Variants in CRISPLD1 observed in about 807,000 individuals in gnomAD.
The protein encoded by CRISPLD1 is cysteine rich secretory protein LCCL domain containing 1.
A neutral mutation model predicts 77.5 loss-of-function variants in CRISPLD1; 60 were observed. The ratio of observed to expected loss-of-function variants is 0.77; its 90% confidence interval spans 0.63 to 0.96. CRISPLD1 has a LOEUF of 0.96. Among genes scored for constraint, CRISPLD1 ranks in the 40% least tolerant of loss-of-function variants. The pLI is 0.00. For synonymous variants in CRISPLD1, 195 were observed against 200.1 expected, an observed-to-expected ratio of 0.97 and a Z score of 0.22; for missense variants, 623 against 615.8, an observed-to-expected ratio of 1.01 and a Z score of -0.12.
At chr8:75,020,505 T>G (rs2128787146) in intron 12 of CRISPLD1, among the ~76,000 whole-genome samples, 1 of 152,332 alleles carries the variant, frequency 6.6e-6, no homozygotes, top group South Asian at 2.1e-4. Flanking sequence ...CTTCTCTGTG[T>G]CCTCACATGG....
intron 2 of CRISPLD1, among the ~76,000 whole-genome samples, chr8:74,990,863 A>G (rs1188905063): frequency 1.3e-5 from 2 of 151,768 alleles, no homozygotes; most frequent in Non-Finnish European, 2.9e-5. Flanking sequence ...TCAATACACC[A>G]TTACTTGCCA....
intron 2 of CRISPLD1, among the ~76,000 whole-genome samples, chr8:74,990,770 T>C (rs1289781650): frequency 8.5e-6 from 1 of 116,974 alleles, no homozygotes. Context: ...CTAAGAAACA[T>C]ACAAAAAAAA....
chr8:75,011,893 T>C (rs531641792), intron 2 of CRISPLD1, among the ~76,000 whole-genome samples: 1 of 152,254 alleles, frequency 6.6e-6, no homozygotes, highest in African/African-American at 2.4e-5. Flanking sequence ...TAATAAGTGC[T>C]AAACAAAGGA....
intron 2 of CRISPLD1, among the ~76,000 whole-genome samples, chr8:75,009,019 C>T (rs60626371): frequency 0.12 from 18,795 of 152,094 alleles, 1,708 homozygotes; most frequent in African/African-American, 0.25. Context: ...GATCCATTTT[C>T]AATTTCATAG....
chr8:75,016,779 G>T, intron 7 of CRISPLD1, 74 bp downstream of exon 7: 1 of 1,558,606 alleles, frequency 6.4e-7, no homozygotes, highest in South Asian at 1.2e-5. Context: ...TTATTAATTT[G>T]AACATTTTTA....
At chr8:74,996,617 A>G (rs960537272) in intron 2 of CRISPLD1, among the ~76,000 whole-genome samples, 10 of 151,788 alleles carry the variant, frequency 6.6e-5, no homozygotes, top group African/African-American at 2.4e-4. Context: ...ATAAGGTTGG[A>G]ATTTAACAAA....
intron 4 of CRISPLD1, among the ~76,000 whole-genome samples, 174 bp downstream of exon 4, chr8:75,013,196 T>A (rs1055963692): frequency 2.0e-5 from 3 of 152,098 alleles, no homozygotes; most frequent in African/African-American, 7.2e-5. Flanking sequence ...AAAATAATTA[T>A]CACACAAAAA....
At chr8:75,019,060 T>C (rs933775319) in intron 10 of CRISPLD1, among the ~76,000 whole-genome samples, 7 of 152,224 alleles carry the variant, frequency 4.6e-5, no homozygotes, top group African/African-American at 1.7e-4. Context: ...TTTTTAGTTA[T>C]CTCTATTATA....
rs530928741 is a variant in CRISPLD1 at position 75,007,047 on chromosome 8, T to C, written c.259-5386T>C. 2.0e-5 allele frequency among the ~76,000 whole-genome samples: 3 copies of C among 152,296 alleles called. No homozygotes were observed. In the South Asian group the frequency reaches 6.2e-4, roughly 32 times the overall value. Reference sequence around the variant, plus strand: ...CATTTTAGTTTTTCATTAACATTCTTGAAACCTCAATTATCAGAAAATACT... The same window carrying C: ...CATTTTAGTTTTTCATTAACATTCTCGAAACCTCAATTATCAGAAAATACT... On this transcript the variant is annotated intron_variant, in intron 2 of 14. Transcript: ENST00000262207.
In CRISPLD1 at chr8:75,033,619, A is replaced by G. The variant is rs1016251359; in HGVS notation, c.*1377A>G. On this transcript the variant is annotated 3_prime_UTR_variant, in exon 15 of 15. Coordinates refer to ENST00000262207, the MANE Select transcript of CRISPLD1 (RefSeq NM_031461.6). ...AATAAATACTTCAAATACTTTTAGG[A>G]AGTAAATGAGTAGGAGTTTAGGAGG... 2 of 152,010 alleles carry G rather than the reference A, an allele frequency of 1.3e-5. No homozygotes were observed. Among genetic ancestry groups the G allele is most frequent in the Non-Finnish European group, 2.9e-5 (2 of 67,880 alleles). 9.4% of individuals were successfully genotyped at this position (152,010 alleles called of 1,614,324 possible).
At chr8:74,992,904 G>A (rs958890348) in intron 2 of CRISPLD1, among the ~76,000 whole-genome samples, 35 of 135,328 alleles carry the variant, frequency 2.6e-4, no homozygotes, top group Non-Finnish European at 4.9e-4. Context: ...TAGAAATTAT[G>A]GTTTTTTTTT....
chr8:75,012,864 C>G (rs761555951), intron 3 of CRISPLD1, 26 bp from the exon 4 acceptor site: 5 of 1,591,824 alleles, frequency 3.1e-6, no homozygotes, highest in Admixed American at 1.7e-5. Context: ...TTTGCTTGCC[C>G]TCTGTGACTA....
rs201420701 is a variant in CRISPLD1 at position 75,032,287 on chromosome 8, A to G, written c.*45A>G. ...GACCATAAAGACTATTCCAAATGCA[A>G]TATTTCTGAATTTTGTATAAAACTG... On this transcript the variant is annotated 3_prime_UTR_variant, in exon 15 of 15. Coordinates refer to ENST00000262207, the MANE Select transcript of CRISPLD1 (RefSeq NM_031461.6). 4.6e-5 allele frequency: 67 copies of G among 1,452,746 alleles called. No homozygotes were observed. In the African/African-American group the frequency reaches 5.5e-4, roughly 12 times the overall value. The allele number at this position is 1,452,746 out of a possible 1,614,324, so 90.0% of individuals were successfully genotyped here.
chr8:75,012,083 A>T (rs1812941590), intron 2 of CRISPLD1, among the ~76,000 whole-genome samples: 1 of 152,090 alleles, frequency 6.6e-6, no homozygotes, highest in Non-Finnish European at 1.5e-5. Context: ...AAGAGCAAGG[A>T]CTTGTATGCT....
chr8:74,991,538 C>G (rs1425938820), intron 2 of CRISPLD1, among the ~76,000 whole-genome samples: 1 of 152,100 alleles, frequency 6.6e-6, no homozygotes, highest in Non-Finnish European at 1.5e-5. Context: ...ACTCAATGTT[C>G]TTGAAGATGG....
At chr8:75,029,591 C>T (rs1813298311) in intron 14 of CRISPLD1, 74 bp downstream of exon 14, 1 of 1,450,940 alleles carries the variant, frequency 6.9e-7, no homozygotes, top group South Asian at 1.2e-5. Flanking sequence ...TTACAGTTGA[C>T]CCACTTGAAT....
intron 10 of CRISPLD1, 74 bp from the exon 11 acceptor site, chr8:75,019,796 G>C: frequency 8.2e-7 from 1 of 1,215,318 alleles, no homozygotes; most frequent in Non-Finnish European, 1.2e-6. Flanking sequence ...TCATAGACTT[G>C]AAAGATACCA....
intron 2 of CRISPLD1, among the ~76,000 whole-genome samples, chr8:74,989,136 G>C (rs910020282): frequency 3.9e-5 from 6 of 152,134 alleles, no homozygotes; most frequent in African/African-American, 4.8e-5. Flanking sequence ...AAAAATGCAG[G>C]GTGGCAGGAA....
intron 10 of CRISPLD1, 47 bp downstream of exon 10, chr8:75,017,497 C>A: frequency 6.6e-7 from 1 of 1,506,648 alleles, no homozygotes; most frequent in Admixed American, 2.3e-5. Context: ...TAAATTGTAA[C>A]AGTGAGCTAA....
Sources: allele counts gnomAD v4.1 joint callset (sites outside exome capture counted in the v4.1 genomes callset), GRCh38; gene constraint gnomAD v4.1.1; transcripts MANE v1.5; gene names NCBI Gene and HGNC (gene_info 2026-07-23, HGNC 2026-07-21).